Variants in TMEM132B observed in about 807,000 individuals in gnomAD.
TMEM132B encodes transmembrane protein 132B.
TMEM132B carries 18 observed loss-of-function variants against 90.8 expected under a neutral mutation model. That is an observed-to-expected ratio of 0.20 (90% CI 0.14 to 0.29). The LOEUF (loss-of-function observed/expected upper bound fraction) is 0.29. Among genes scored for constraint, TMEM132B ranks in the 10% least tolerant of loss-of-function variants. The pLI, the probability that TMEM132B is intolerant of heterozygous loss-of-function variation, is 1.00. For missense variants in TMEM132B, 1,096 were observed against 1,326.8 expected, an observed-to-expected ratio of 0.83 and a Z score of 2.70; for synonymous variants, 504 against 523.3, an observed-to-expected ratio of 0.96 and a Z score of 0.50.
chr12:125,651,036 G>C, intron 7 of TMEM132B, 83 bp downstream of exon 7: 1 of 1,525,064 alleles, frequency 6.6e-7, no homozygotes, highest in Non-Finnish European at 8.9e-7. Flanking sequence ...GTGTGTCTGT[G>C]TGCACATGTG....
At chr12:125,451,670 C>T (rs1367712430) in intron 3 of TMEM132B, among the ~76,000 whole-genome samples, 7 of 151,214 alleles carry the variant, frequency 4.6e-5, no homozygotes, top group African/African-American at 7.3e-5. Context: ...GCAGTTACCT[C>T]GTCTCCTCAT....
chr12:125,469,322 A>G (rs982508722), intron 3 of TMEM132B, among the ~76,000 whole-genome samples: 7 of 152,250 alleles, frequency 4.6e-5, no homozygotes, highest in African/African-American at 9.6e-5. Flanking sequence ...CTTTACAAAT[A>G]TAAGATTATA....
intron 3 of TMEM132B, among the ~76,000 whole-genome samples, chr12:125,515,172 ACACT>A (rs1045760752): frequency 9.2e-5 from 14 of 151,468 alleles, no homozygotes; most frequent in Non-Finnish European, 1.6e-4. Context: ...ATTCTCTCCC[ACACT>A]CACACACGCA....
At chr12:125,231,181 T>A (rs553200135) in intron 1 of TMEM132B, among the ~76,000 whole-genome samples, 1 of 152,106 alleles carries the variant, frequency 6.6e-6, no homozygotes, top group South Asian at 2.1e-4. Context: ...CTCCTGTCTC[T>A]GCCTCTGTCT....
At chr12:125,312,468 C>G (rs895576453) in intron 1 of TMEM132B, among the ~76,000 whole-genome samples, 7 of 152,164 alleles carry the variant, frequency 4.6e-5, no homozygotes, top group African/African-American at 1.4e-4. Context: ...TAAAGGTTAG[C>G]AAGAAATTCA....
rs190641483 is a variant in TMEM132B at position 125,468,008 on chromosome 12, T to C, written c.1107-51431T>C. ...ACCACATTTTGTTTATCCATTCTTT[T>C]GTTGATGGACATTTGGGTTATTTCC... On this transcript the variant is annotated intron_variant, in intron 3 of 8. Coordinates refer to ENST00000682704, the MANE Select transcript of TMEM132B (RefSeq NM_001366854.1). 1.4e-3 allele frequency among the ~76,000 whole-genome samples: 220 copies of C among 151,908 alleles called. 1 individual carries two copies. Among genetic ancestry groups the C allele is most frequent in the African/African-American group, 5.0e-3 (206 of 41,586 alleles).
At chr12:125,366,994 G>C (rs1053094317) in intron 2 of TMEM132B, among the ~76,000 whole-genome samples, 1 of 151,968 alleles carries the variant, frequency 6.6e-6, no homozygotes, top group Non-Finnish European at 1.5e-5. Flanking sequence ...TGTAGTTTTC[G>C]ATCTAGACTT....
rs144963808 is a variant in TMEM132B, at chr12:125,537,314, C to A, written c.1293+17689C>A. Among the ~76,000 whole-genome samples, 95 of 152,322 alleles carry A rather than the reference C, an allele frequency of 6.2e-4. 1 individual carries two copies. In the Middle Eastern group the frequency reaches 0.017, roughly 27 times the overall value. ...TAAAAACATTTCCCATAAAACACTG[C>A]AATAGGATAAATTTCCAAAAGCAAA... is the stretch of plus-strand genomic sequence containing the variant. On this transcript the variant is annotated intron_variant, in intron 4 of 8. Transcript: ENST00000682704.
intron 3 of TMEM132B, among the ~76,000 whole-genome samples, chr12:125,429,238 C>T (rs951822734): frequency 1.3e-5 from 2 of 150,898 alleles, no homozygotes; most frequent in African/African-American, 4.9e-5. Flanking sequence ...CTCACTCTAT[C>T]ACCCAGGCTG....
chr12:125,359,803 G>T (rs374097840), intron 2 of TMEM132B, among the ~76,000 whole-genome samples: 1 of 152,246 alleles, frequency 6.6e-6, no homozygotes, highest in Admixed American at 6.5e-5. Context: ...AACAAGGCCA[G>T]GTGCAGTGGT....
intron 3 of TMEM132B, among the ~76,000 whole-genome samples, chr12:125,497,301 A>T (rs1191459211): frequency 6.6e-6 from 1 of 152,220 alleles, no homozygotes; most frequent in East Asian, 1.9e-4. Flanking sequence ...CAACTGAAGG[A>T]TGCCATTCAA....
At position 125,530,387 on chromosome 12, in the gene TMEM132B, G is replaced by T. The variant is rs115644989; in HGVS notation, c.1293+10762G>T. Among the ~76,000 whole-genome samples, 473 of 152,162 alleles carry T rather than the reference G, an allele frequency of 3.1e-3. 3 individuals carry two copies. Among genetic ancestry groups the T allele is most frequent in the African/African-American group, 0.011 (450 of 41,512 alleles). On this transcript the variant is annotated intron_variant, in intron 4 of 8. Coordinates refer to ENST00000682704, the MANE Select transcript of TMEM132B (RefSeq NM_001366854.1). ...CCTGTAAAGCTCCATCTGGTTTGGG[G>T]GTGGGAAGTGGGTTTTACATCATGT...
intron 1 of TMEM132B, among the ~76,000 whole-genome samples, chr12:125,342,459 A>G (rs998749047): frequency 2.0e-5 from 3 of 152,088 alleles, no homozygotes; most frequent in South Asian, 2.1e-4. Flanking sequence ...TTGCTCTTCT[A>G]TTCTCTGGTG....
intron 1 of TMEM132B, chr12:125,301,740 G>C (rs573172857): frequency 7.9e-5 from 12 of 152,222 alleles, no homozygotes; most frequent in African/African-American, 2.9e-4. Context: ...GTAGCCGGGC[G>C]TGGTGGCGGG....
chr12:125,329,607 G>C (rs1184080214), intron 1 of TMEM132B, among the ~76,000 whole-genome samples: 2 of 152,188 alleles, frequency 1.3e-5, no homozygotes, highest in African/African-American at 4.8e-5. Context: ...ATGGGACAAT[G>C]GGTTGGTTAC....
intron 6 of TMEM132B, among the ~76,000 whole-genome samples, chr12:125,649,600 T>A (rs2137044390): frequency 6.6e-6 from 1 of 152,302 alleles, no homozygotes; most frequent in Non-Finnish European, 1.5e-5. Context: ...GCGTGGGCGA[T>A]GGATGTCCGC....
intron 5 of TMEM132B, among the ~76,000 whole-genome samples, chr12:125,631,565 T>C (rs1309738447): frequency 6.6e-6 from 1 of 152,188 alleles, no homozygotes; most frequent in Non-Finnish European, 1.5e-5. Flanking sequence ...TGGAAAGATC[T>C]GTCCAATGTT....
At chr12:125,387,635 C>T (rs1878879821) in intron 2 of TMEM132B, among the ~76,000 whole-genome samples, 1 of 152,174 alleles carries the variant, frequency 6.6e-6, no homozygotes, top group African/African-American at 2.4e-5. Context: ...GTAAATACCA[C>T]CTACCTTGTT....
intron 3 of TMEM132B, among the ~76,000 whole-genome samples, chr12:125,499,370 G>A (rs1023291716): frequency 3.3e-5 from 5 of 152,186 alleles, no homozygotes; most frequent in Non-Finnish European, 7.3e-5. Context: ...AAGATGAAAT[G>A]CTCCTGATTA....
Sources: allele counts gnomAD v4.1 joint callset (sites outside exome capture counted in the v4.1 genomes callset), GRCh38; gene constraint gnomAD v4.1.1; transcripts MANE v1.5; gene names NCBI Gene and HGNC (gene_info 2026-07-23, HGNC 2026-07-21).